The following ENOSF1 variants were observed in gnomAD, a reference collection of about 807,000 sequenced individuals.
ENOSF1 encodes mitochondrial enolase superfamily member 1.
Under a neutral mutation model 68.2 loss-of-function variants are expected in ENOSF1, and 73 were observed. The ratio of observed to expected loss-of-function variants is 1.07; its 90% CI spans 0.89 to 1.30. ENOSF1 has a LOEUF of 1.30. Ranked by LOEUF, ENOSF1 falls within the 50% of genes most tolerant of loss-of-function variation. ENOSF1 has a pLI of 0.00. For missense variants in ENOSF1, 589 were observed against 554.5 expected (o/e 1.06, Z -0.62); for synonymous variants, 223 against 210.4 (o/e 1.06, Z -0.52).
intron 3 of ENOSF1, among the ~76,000 whole-genome samples, chr18:696,025 G>A (rs908585778): frequency 6.6e-6 from 1 of 152,084 alleles, no homozygotes; most frequent in Non-Finnish European, 1.5e-5. Context: ...CAAAGGCAAA[G>A]GTCAGGGTAT....
intron 2 of ENOSF1, among the ~76,000 whole-genome samples, chr18:701,756 C>CAA (rs71174274): frequency 0.34 from 46,626 of 136,804 alleles, 7,944 homozygotes; most frequent in Admixed American, 0.38. Context: ...GACTCCATCT[C>CAA]AAAAAAAAAA....
chr18:694,744 A>G (rs1421171323), intron 3 of ENOSF1, among the ~76,000 whole-genome samples: 1 of 152,208 alleles, frequency 6.6e-6, no homozygotes, highest in Non-Finnish European at 1.5e-5. Flanking sequence ...TAAAAAAAAC[A>G]GTTGCTAACC....
At chr18:683,949 G>A (rs2076360927) in intron 10 of ENOSF1, among the ~76,000 whole-genome samples, 1 of 151,474 alleles carries the variant, frequency 6.6e-6, no homozygotes, top group Admixed American at 6.6e-5. Flanking sequence ...GCTCATGCCT[G>A]TAATCTCAAC....
At chr18:712,292 A>G in intron 1 of ENOSF1, 3 of 1,524,916 alleles carry the variant, frequency 2.0e-6, no homozygotes, top group East Asian at 2.5e-5. Flanking sequence ...GAAGTCGGGA[A>G]GCTGCCCGGG....
At chr18:666,335 C>A (rs2074815431), downstream of ENOSF1, among the ~76,000 whole-genome samples, 1 of 152,034 alleles carries the variant, frequency 6.6e-6, no homozygotes, top group African/African-American at 2.4e-5. Flanking sequence ...GGCTGAGCCA[C>A]AGCGTGCTGT....
In ENOSF1 at chr18:671,452, G is replaced by GT; in HGVS notation, c.*2852dup. ...TCACATCGAGCCACTGAAAATTCAG[G>GT]TAAGAATTAGATGTTATACTTTTGG... On this transcript the variant is annotated 3_prime_UTR_variant, in exon 16 of 16. Transcript: ENST00000647584. The GT allele has an allele frequency of 6.2e-7, 1 of 1,602,922 alleles. No individual in the cohort carries two copies. The highest frequency in any genetic ancestry group is 8.5e-7 in the Non-Finnish European group (1 of 1,171,096).
At chr18:702,649 A>G (rs1310759475) in intron 2 of ENOSF1, among the ~76,000 whole-genome samples, 5 of 151,902 alleles carry the variant, frequency 3.3e-5, no homozygotes, top group African/African-American at 1.2e-4. Context: ...GTGAGGTGGG[A>G]CAATCATTTG....
At chr18:684,281 C>T (rs769017632) in intron 10 of ENOSF1, among the ~76,000 whole-genome samples, 2 of 152,070 alleles carry the variant, frequency 1.3e-5, no homozygotes, top group Non-Finnish European at 2.9e-5. Flanking sequence ...AGCCATGAGC[C>T]ACTGCATCTG....
intron 3 of ENOSF1, among the ~76,000 whole-genome samples, chr18:694,744 A>C (rs1421171323): frequency 6.6e-6 from 1 of 152,208 alleles, no homozygotes; most frequent in African/African-American, 2.4e-5. Context: ...TAAAAAAAAC[A>C]GTTGCTAACC....
At chr18:706,816 T>TATA (rs756834911) in intron 1 of ENOSF1, 1,109 of 93,646 alleles carry the variant, frequency 0.012, 13 homozygotes, top group African/African-American at 0.049. Context: ...TATATATATA[T>TATA]TTTTTTTTTT....
intron 7 of ENOSF1, 115 bp from the exon 8 acceptor site, chr18:690,746 C>A: frequency 6.6e-7 from 1 of 1,524,846 alleles, no homozygotes; most frequent in South Asian, 1.3e-5. Context: ...TGATCCGGCC[C>A]TGCACACACA....
At chr18:709,098 G>A (rs936623042) in intron 1 of ENOSF1, among the ~76,000 whole-genome samples, 17 of 152,178 alleles carry the variant, frequency 1.1e-4, no homozygotes, top group Admixed American at 1.1e-3. Context: ...GTTGACTTCC[G>A]ATTTAGACAA....
At chr18:696,815 A>G (rs371373110) in intron 3 of ENOSF1, among the ~76,000 whole-genome samples, 2 of 152,124 alleles carry the variant, frequency 1.3e-5, no homozygotes, top group African/African-American at 4.8e-5. Flanking sequence ...TTTTACTTTA[A>G]AATTATAAAC....
In ENOSF1 at chr18:693,112, G is replaced by A. The variant is rs547002023; in HGVS notation, c.423+770C>T. On this transcript the variant is annotated intron_variant, in intron 5 of 15. Transcript: ENST00000647584. ...GGACTCACAGCCAGCTCTGCATGGG[G>A]TCTGAAGCTCATTCCCCTTTAATTT... 5.4e-6 allele frequency: 7 copies of A among 1,289,066 alleles called. No homozygotes were observed. In the African/African-American group the frequency reaches 7.6e-5, roughly 14 times the overall value. 79.9% of individuals were successfully genotyped at this position (1,289,066 alleles called of 1,614,324 possible). A position where few individuals can be genotyped will look rare whatever the true frequency, so the allele number is the denominator to read the frequency against.
chr18:694,868 T>C (rs573782186), intron 3 of ENOSF1, among the ~76,000 whole-genome samples: 35 of 152,152 alleles, frequency 2.3e-4, no homozygotes, highest in African/African-American at 7.7e-4. Flanking sequence ...CACACACACA[T>C]ATGTACTTCT....
At chr18:679,814 C>G (rs1455075063) in intron 11 of ENOSF1, among the ~76,000 whole-genome samples, 1 of 152,182 alleles carries the variant, frequency 6.6e-6, no homozygotes, top group Admixed American at 6.5e-5. Context: ...CTACTCCGCA[C>G]AGGTAGCCTT....
chr18:700,650 T>G (rs2078242170), intron 2 of ENOSF1, among the ~76,000 whole-genome samples: 1 of 151,904 alleles, frequency 6.6e-6, no homozygotes, highest in Admixed American at 6.6e-5. Context: ...TTTGGGAGGC[T>G]GAGGCGGGCG....
intron 10 of ENOSF1, among the ~76,000 whole-genome samples, chr18:685,585 C>A (rs2076541881): frequency 6.6e-6 from 1 of 152,058 alleles, no homozygotes; most frequent in Non-Finnish European, 1.5e-5. Context: ...CAGTAATGGC[C>A]CCCTGACACC....
rs565801407 is a variant in ENOSF1, at chr18:690,172, C to T, written c.618+377G>A. 7.2e-5 allele frequency among the ~76,000 whole-genome samples: 11 copies of T among 152,156 alleles called. 1 individual carries two copies. The highest frequency in any genetic ancestry group is 2.7e-4 in the African/African-American group (11 of 41,440). The stretch of plus-strand genomic sequence containing the variant: ...ACATAAGTAGTGTTTCCCTGAATTC[C>T]GTGAGCCATTCCACCAAATGATTCA... On this transcript the variant is annotated intron_variant, in intron 8 of 15. Transcript: ENST00000647584.
Sources: gnomAD v4.1 joint callset for allele counts (sites outside exome capture counted in the v4.1 genomes callset) on GRCh38, gnomAD v4.1.1 for gene constraint, MANE v1.5 for transcripts, NCBI Gene and HGNC (gene_info 2026-07-23, HGNC 2026-07-21) for gene names.